MCM3: variants seen among roughly 807,000 people sequenced by gnomAD.
MCM3 encodes DNA replication licensing factor MCM3.
Under a neutral mutation model 91.3 loss-of-function variants are expected in MCM3, and 59 were observed. That is an observed-to-expected ratio of 0.65 (90% CI 0.52 to 0.80). The LOEUF (loss-of-function observed/expected upper bound fraction) is 0.80, where lower values mean the gene tolerates loss of function less well. Ranked by LOEUF, MCM3 falls within the 30% of genes least tolerant of loss-of-function variation. The pLI is 0.00. For synonymous variants in MCM3, 383 were observed against 379.6 expected (o/e 1.01, Z -0.10); for missense variants, 919 against 1,035.4 (o/e 0.89, Z 1.54).
rs768941914 is a variant in MCM3 at position 52,282,126 on chromosome 6, A to G, written c.450T>C (p.Ala150=). The change falls in exon 4 of 17, where the codon GCT becomes GCC. Residue 150 remains alanine, a synonymous_variant. Transcript: ENST00000596288. ...AACGTCGCTCTATGGTCTTCTTAGT[A>G]GCAGGACAGTAGTGGACACTGCGGA... is the stretch of plus-strand genomic sequence containing the variant. ...KVVRSVHYCP[A]TKKTIERRYS... is the part of the protein sequence containing the mutation. 1 of 1,614,084 alleles carries G rather than the reference A, an allele frequency of 6.2e-7. No homozygotes were observed. Among genetic ancestry groups the G allele is most frequent in the South Asian group, 1.1e-5 (1 of 91,090 alleles).
chr6:52,271,109 C>A (rs1431600665), intron 12 of MCM3, among the ~76,000 whole-genome samples: 1 of 151,716 alleles, frequency 6.6e-6, no homozygotes, highest in Non-Finnish European at 1.5e-5. Context: ...ACCCGGGAGG[C>A]GGAGGTTGCA....
intron 13 of MCM3, among the ~76,000 whole-genome samples, chr6:52,268,299 A>C (rs897507581): frequency 1.3e-5 from 2 of 152,252 alleles, no homozygotes; most frequent in African/African-American, 4.8e-5. Flanking sequence ...TTGAAATCCA[A>C]GACAACCCTT....
Position 52,284,648 on chromosome 6 carries a change from A to T in MCM3, c.27T>A (p.Asp9Glu). The change falls in exon 1 of 17, where the codon GAT becomes GAA. Residue 9 changes from aspartate to glutamate, a missense_variant. Asp to Glu is a conservative substitution (Grantham distance 45). Transcript: ENST00000596288. Reference sequence around the variant, plus strand: ...CTCTCTGAGCCTCCCGCAGCTCCACATCGTCCAGCACCACGGTACCCGCCA... The same window carrying T: ...CTCTCTGAGCCTCCCGCAGCTCCACTTCGTCCAGCACCACGGTACCCGCCA... MAGTVVLD[D>E]VELREAQRDY... 1.9e-6 allele frequency: 3 copies of T among 1,603,802 alleles called. No homozygotes were observed. Among genetic ancestry groups the T allele is most frequent in the Non-Finnish European group, 2.6e-6 (3 of 1,176,146 alleles).
intron 11 of MCM3, 106 bp from the exon 12 acceptor site, chr6:52,272,557 C>A: frequency 8.2e-7 from 1 of 1,223,630 alleles, no homozygotes; most frequent in South Asian, 1.5e-5. Flanking sequence ...AAGCCTAGAA[C>A]CCATTATCAT....
Position 52,264,694 on chromosome 6 carries a change from C to A in MCM3, c.2321G>T (p.Arg774Leu), listed in dbSNP as rs199599059. Residue 774 changes from arginine (R) to leucine (L), a missense_variant, in exon 17 of 17, where the codon CGG becomes CTG. Coordinates refer to ENST00000596288, the MANE Select transcript of MCM3 (RefSeq NM_002388.6). ...GMNRLTESIN[R>L]DSEEPFSSVE... ...TGAAGAGAAGGGCTCTTCGCTGTCCCGGTTGATGGATTCTGTGAGGCGATT... is the reference window on the plus strand; with the variant it reads ...TGAAGAGAAGGGCTCTTCGCTGTCCAGGTTGATGGATTCTGTGAGGCGATT... The A allele has an allele frequency of 1.2e-6, 2 of 1,614,142 alleles. No homozygotes were observed. The highest frequency in any genetic ancestry group is 2.2e-5 in the East Asian group (1 of 44,882).
In MCM3 at chr6:52,279,285, G is replaced by A. The variant is rs1188057504; in HGVS notation, c.770+76C>T. On this transcript the variant is annotated intron_variant, in intron 5 of 16. Transcript: ENST00000596288. ...ATCAGATATAACTCTCTGGAATATG[G>A]CAAACTGGAGAAAGGATATTACCAG... 3.1e-6 allele frequency: 4 copies of A among 1,308,036 alleles called. No homozygotes were observed. In the African/African-American group the frequency reaches 5.9e-5, roughly 19 times the overall value. The allele number at this position is 1,308,036 out of a possible 1,614,324, so 81.0% of individuals were successfully genotyped here.
Position 52,264,729 on chromosome 6 carries a change from T to C in MCM3, c.2286A>G (p.Ser762=). 1 of 1,614,200 alleles carries C rather than the reference T, an allele frequency of 6.2e-7. No homozygotes were observed. Among genetic ancestry groups the C allele is most frequent in the Non-Finnish European group, 8.5e-7 (1 of 1,180,042 alleles). The change falls in exon 17 of 17, where the codon TCA becomes TCG. Residue 762 remains serine, a synonymous_variant. Coordinates refer to ENST00000596288, the MANE Select transcript of MCM3 (RefSeq NM_002388.6). ...ATTCTGTGAGGCGATTCATGCCGAT[T>C]GACTGCGCATGAGCTTCCCGGAACA... is the stretch of plus-strand genomic sequence containing the variant. ...LDVFREAHAQ[S]IGMNRLTESI...
Position 52,284,592 on chromosome 6 carries a change from C to T in MCM3, c.78+5G>A. The T allele has an allele frequency of 6.2e-7, 1 of 1,604,432 alleles. No individual in the cohort carries two copies. The highest frequency in any genetic ancestry group is 8.5e-7 in the Non-Finnish European group (1 of 1,177,470). ...CTAGAGCCCGCGCGCCGGCGCCTCC[C>T]TCACCTCGTCGTCCAGGAAGTCCAG... is the stretch of plus-strand genomic sequence containing the variant. On this transcript the variant is annotated splice_donor_5th_base_variant and intron_variant, in intron 1 of 16. Transcript: ENST00000596288.
At chr6:52,276,525 G>T (rs766249359) in intron 8 of MCM3, 49 bp from the exon 9 acceptor site, 3 of 1,450,792 alleles carry the variant, frequency 2.1e-6, no homozygotes, top group Non-Finnish European at 2.9e-6. Context: ...GGTTATAGGG[G>T]CCAGAAGGGA....
At chr6:52,265,935 A>C in intron 16 of MCM3, 140 bp downstream of exon 16, 1 of 586,346 alleles carries the variant, frequency 1.7e-6, no homozygotes, top group Non-Finnish European at 3.0e-6. Context: ...GAGAATATAA[A>C]ATGTTAAAAG....
rs1354423339 is a variant in MCM3 at position 52,276,522 on chromosome 6, G to A, written c.1166-46C>T. The A allele has an allele frequency of 6.9e-6, 10 of 1,450,868 alleles. No homozygotes were observed. In the Admixed American group the frequency reaches 1.3e-4, roughly 19 times the overall value. 89.9% of individuals were successfully genotyped at this position (1,450,868 alleles called of 1,614,324 possible). On this transcript the variant is annotated intron_variant, in intron 8 of 16. Coordinates refer to ENST00000596288, the MANE Select transcript of MCM3 (RefSeq NM_002388.6). ...AATACGTGCTACAGTCTAGGTTATA[G>A]GGGCCAGAAGGGAAGGATTTCAATC...
At chr6:52,265,582 C>T (rs1325910252) in intron 16 of MCM3, among the ~76,000 whole-genome samples, 2 of 151,086 alleles carry the variant, frequency 1.3e-5, no homozygotes, top group African/African-American at 2.4e-5. Flanking sequence ...AAATTTTTTT[C>T]AGTAAATACA....
At chr6:52,269,729 GAGA>G (rs1281591150) in intron 12 of MCM3, among the ~76,000 whole-genome samples, 1 of 152,222 alleles carries the variant, frequency 6.6e-6, no homozygotes, top group Non-Finnish European at 1.5e-5. Context: ...ACTCAGTCCG[GAGA>G]AGGAGAACTC....
intron 12 of MCM3, among the ~76,000 whole-genome samples, chr6:52,270,668 A>T (rs1464058145): frequency 6.6e-6 from 1 of 152,164 alleles, no homozygotes; most frequent in Non-Finnish European, 1.5e-5. Flanking sequence ...TACAGACCCC[A>T]CACTAAGACA....
rs2307327 is a variant in MCM3, at chr6:52,279,635, C to T, written c.532-36G>A. The stretch of plus-strand genomic sequence containing the variant: ...GCACACAGAGGGACAGAGTGATCTC[C>T]GTCCTGTCTTAAAAATGCCACACTC... On this transcript the variant is annotated intron_variant, in intron 4 of 16. Transcript: ENST00000596288. 55 of 1,455,872 alleles carry T rather than the reference C, an allele frequency of 3.8e-5. No individual in the cohort carries two copies. In the East Asian group the frequency reaches 5.3e-4, roughly 14 times the overall value. 90.2% of individuals were successfully genotyped at this position (1,455,872 alleles called of 1,614,324 possible). A position where few individuals can be genotyped will look rare whatever the true frequency, so the allele number is the denominator to read the frequency against.
At chr6:52,282,563 C>T in intron 3 of MCM3, 90 bp downstream of exon 3, 1 of 1,241,066 alleles carries the variant, frequency 8.1e-7, no homozygotes, top group Non-Finnish European at 1.2e-6. Context: ...CTCTTTGAAG[C>T]CACAAGCTAC....
chr6:52,270,519 G>A (rs1357496350), intron 12 of MCM3, among the ~76,000 whole-genome samples: 1 of 152,020 alleles, frequency 6.6e-6, no homozygotes. Context: ...ATCAAATCTT[G>A]TAATAATTTA....
chr6:52,276,450 T>C lies in MCM3; in HGVS notation c.1192A>G (p.Met398Val), dbSNP rs771522361. 8 of 1,614,090 alleles carry C rather than the reference T, an allele frequency of 5.0e-6. No individual in the cohort carries two copies. Among genetic ancestry groups the C allele is most frequent in the South Asian group, 1.1e-5 (1 of 91,092 alleles). ...ACCACGCCTCGGTCAGCCAGGACCA[T>C]GGCCCCTGCTTCCAGACGGCGCTCT... is the stretch of plus-strand genomic sequence containing the variant. ...TGERRLEAGA[M>V]VLADRGVVCI... The change falls in exon 9 of 17, where the codon ATG (methionine) becomes GTG (valine). Residue 398 changes from methionine to valine, a missense_variant. Transcript: ENST00000596288.
rs1254476747 is a variant in MCM3, at chr6:52,283,374, C to T, written c.111G>A (p.Arg37=). Residue 37 remains arginine, a synonymous_variant, in exon 2 of 17, where the codon CGG becomes CGA. Coordinates refer to ENST00000596288, the MANE Select transcript of MCM3 (RefSeq NM_002388.6). The part of the protein sequence containing the change: ...EDQGIYQSKV[R]ELISDNQYRL... ...GGTATTGGTTGTCACTGATCAGCTC[C>T]CGAACTTTGCTCTGATAAATTCCCT... 6.2e-7 allele frequency: 1 copy of T among 1,614,092 alleles called. No homozygotes were observed. Among genetic ancestry groups the T allele is most frequent in the Non-Finnish European group, 8.5e-7 (1 of 1,180,040 alleles).
Sources: gnomAD v4.1 joint callset for allele counts (sites outside exome capture counted in the v4.1 genomes callset) on GRCh38, gnomAD v4.1.1 for gene constraint, MANE v1.5 for transcripts, NCBI Gene and HGNC (gene_info 2026-07-23, HGNC 2026-07-21) for gene names.